CINP: variants seen among roughly 807,000 people sequenced by gnomAD.
The protein encoded by CINP is cyclin dependent kinase 2 interacting protein, also known as cyclin-dependent kinase 2-interacting protein.
CINP carries 11 observed loss-of-function variants against 20.5 expected under a neutral mutation model. The observed-to-expected ratio is 0.54, with a 90% CI of 0.34 to 0.89. The LOEUF (loss-of-function observed/expected upper bound fraction) is 0.89. Ranked by LOEUF, CINP falls within the 40% of genes least tolerant of loss-of-function variation. CINP has a pLI of 0.02. For missense variants in CINP, 213 were observed against 251.0 expected (o/e 0.85, Z 1.02); for synonymous variants, 108 against 102.1 (o/e 1.06, Z -0.35).
At chr14:102,354,211 G>C (rs1475364674) in intron 3 of CINP, among the ~76,000 whole-genome samples, 1 of 152,156 alleles carries the variant, frequency 6.6e-6, no homozygotes, top group African/African-American at 2.4e-5. Flanking sequence ...CTTCACATCT[G>C]GTGGCCAGTA....
chr14:102,354,031 G>C (rs1886936812), intron 3 of CINP, among the ~76,000 whole-genome samples: 1 of 152,224 alleles, frequency 6.6e-6, no homozygotes, highest in Non-Finnish European at 1.5e-5. Context: ...AAAGGCTGCA[G>C]TGAGCTGTGA....
In CINP at chr14:102,359,493, G is replaced by C. The variant is rs138637384; in HGVS notation, c.102C>G (p.Ile34Met). The C allele has an allele frequency of 8.0e-4, 1,296 of 1,613,012 alleles. 14 individuals are homozygous for C. In the African/African-American group the frequency reaches 0.016, roughly 20 times the overall value. ...CATCATTGAGGGTTTCCCACTTCAG[G>C]ATTAAATTGTGCCAATCAGCCGCAT... The part of the protein sequence containing the change: ...KDNAADWHNL[I>M]LKWETLNDAG... The change falls in exon 2 of 5, where the codon ATC becomes ATG. Residue 34 changes from isoleucine to methionine, a missense_variant. By Grantham distance (10) the Ile-to-Met change is conservative (BLOSUM62 1). Transcript: ENST00000216756.
intron 3 of CINP, among the ~76,000 whole-genome samples, chr14:102,354,928 A>G (rs918160468): frequency 4.0e-5 from 6 of 151,224 alleles, no homozygotes; most frequent in Non-Finnish European, 8.8e-5. Flanking sequence ...AAATTAGCTC[A>G]TGTGGTGGCA....
chr14:102,348,562 G>A lies in CINP; in HGVS notation c.634C>T (p.Leu212Phe), dbSNP rs1197962875. The A allele has an allele frequency of 1.2e-6, 2 of 1,609,566 alleles. No homozygotes were observed. The change falls in exon 5 of 5, where the codon CTC becomes TTC. Residue 212 changes from leucine (L) to phenylalanine (F), a missense_variant. Leu to Phe is a conservative substitution (Grantham distance 22). Transcript: ENST00000216756. ...TCCGCAGCCGTCTCAGGACGTCAGAGAGCTCGGTGGCCTGTCTCCAGCAGC... is the reference window on the plus strand; with the variant it reads ...TCCGCAGCCGTCTCAGGACGTCAGAAAGCTCGGTGGCCTGTCTCCAGCAGC... ...SMLLETGHRA[L>F]
chr14:102,361,491 A>T (rs890505333), intron 1 of CINP, among the ~76,000 whole-genome samples: 1 of 152,138 alleles, frequency 6.6e-6, no homozygotes, highest in African/African-American at 2.4e-5. Context: ...AATACAAAAA[A>T]TCAGCCGGGC....
At chr14:102,350,805 TC>T (rs1886850897) in intron 3 of CINP, among the ~76,000 whole-genome samples, 2 of 138,780 alleles carry the variant, frequency 1.4e-5, no homozygotes, top group Non-Finnish European at 3.2e-5. Flanking sequence ...TCTCTCTCTC[TC>T]TCTTTTTTTT....
chr14:102,348,680 G>A lies in CINP; in HGVS notation c.516C>T (p.His172=). ...LKRTVAKELA[H]TGDPDLTLSY... is the part of the protein sequence containing the mutation. ...TCAGGGTGAGGTCGGGATCCCCGGT[G>A]TGGGCAAGCTCCTTGGCCACCGTGC... Residue 172 remains histidine, a synonymous_variant, in exon 5 of 5, where the codon CAC becomes CAT. Transcript: ENST00000216756. 1 of 1,614,072 alleles carries A rather than the reference G, an allele frequency of 6.2e-7. No individual in the cohort carries two copies.
At chr14:102,357,360 C>T (rs560349089) in intron 2 of CINP, among the ~76,000 whole-genome samples, 39 of 120,692 alleles carry the variant, frequency 3.2e-4, no homozygotes, top group African/African-American at 9.9e-4. Flanking sequence ...CCAGCCTGAG[C>T]GACAGAGCGA....
chr14:102,357,341 C>T (rs1027032545), intron 2 of CINP, among the ~76,000 whole-genome samples: 10 of 125,234 alleles, frequency 8.0e-5, no homozygotes, highest in Admixed American at 7.5e-4. Flanking sequence ...AAGATTGCAC[C>T]ATTGCACTCC....
chr14:102,361,733 G>A (rs1887165999), intron 1 of CINP, among the ~76,000 whole-genome samples: 1 of 151,298 alleles, frequency 6.6e-6, no homozygotes, highest in Non-Finnish European at 1.5e-5. Context: ...AACAGATTTT[G>A]CCATTACTTT....
In CINP at chr14:102,361,485, C is replaced by T. The variant is rs565033386; in HGVS notation, c.7+1360G>A. On this transcript the variant is annotated intron_variant, in intron 1 of 4. Transcript: ENST00000216756. ...AAACCTCATCTCTACTAAAAAAATA[C>T]AAAAAATCAGCCGGGCGTGGTGGCG... 2.0e-5 allele frequency among the ~76,000 whole-genome samples: 3 copies of T among 152,006 alleles called. No individual in the cohort carries two copies. The East Asian group carries it at 5.8e-4, about 29-fold the overall frequency.
chr14:102,353,072 G>A (rs539442272), intron 3 of CINP, among the ~76,000 whole-genome samples: 103 of 151,738 alleles, frequency 6.8e-4, no homozygotes, highest in African/African-American at 2.4e-3. Context: ...AGGAGGCAGA[G>A]GTTGCAGTGG....
At chr14:102,350,886 C>T (rs1164354979) in intron 3 of CINP, among the ~76,000 whole-genome samples, 4 of 143,786 alleles carry the variant, frequency 2.8e-5, no homozygotes, top group South Asian at 2.2e-4. Flanking sequence ...AGTGCAGTGG[C>T]GAGATCTCGG....
intron 1 of CINP, 54 bp downstream of exon 1, chr14:102,362,791 A>C (rs1416822411): frequency 6.2e-7 from 1 of 1,610,846 alleles, no homozygotes; most frequent in Non-Finnish European, 8.5e-7. Context: ...CCTGCGGCCT[A>C]AGCAGTAACA....
rs113174781 is a variant in CINP at position 102,352,503 on chromosome 14, C to A, written c.307-2455G>T. On this transcript the variant is annotated intron_variant, in intron 3 of 4. Coordinates refer to ENST00000216756, the MANE Select transcript of CINP (RefSeq NM_032630.3). ...AGCTTAGGAAGAACGGTGCATGAAA[C>A]CCCCAGAAGGTCAAAGTTATGAAAG... is the stretch of plus-strand genomic sequence containing the variant. 6.8e-5 allele frequency: 31 copies of A among 455,964 alleles called. 1 individual carries two copies. Among genetic ancestry groups the A allele is most frequent in the East Asian group, 6.3e-4 (9 of 14,400 alleles). The allele number at this position is 455,964 out of a possible 1,614,324, so 28.2% of individuals were successfully genotyped here. A position where few individuals can be genotyped will look rare whatever the true frequency, so the allele number is the denominator to read the frequency against.
At position 102,348,420 on chromosome 14, in the gene CINP, G is replaced by A; in HGVS notation, c.*137C>T. On this transcript the variant is annotated 3_prime_UTR_variant, in exon 5 of 5. Transcript: ENST00000216756. ...TGAGCACGCCTGGAGAGGCCATGGG[G>A]CTGGTGACAAGCTCTGGCCAGAAGA... The A allele has an allele frequency of 2.6e-6, 2 of 764,760 alleles. No individual in the cohort carries two copies. The highest frequency in any genetic ancestry group is 2.9e-5 in the Admixed American group (1 of 35,040). The allele number at this position is 764,760 out of a possible 1,614,324, so 47.4% of individuals were successfully genotyped here.
At chr14:102,355,964 A>G in intron 2 of CINP, 67 bp from the exon 3 acceptor site, 1 of 1,540,098 alleles carries the variant, frequency 6.5e-7, no homozygotes, top group Non-Finnish European at 8.8e-7. Context: ...CCTTATAATA[A>G]ATTCTACAAA....
intron 3 of CINP, among the ~76,000 whole-genome samples, chr14:102,352,936 A>G (rs1315029350): frequency 2.6e-5 from 4 of 151,790 alleles, no homozygotes; most frequent in Non-Finnish European, 5.9e-5. Context: ...GGCATGAGCC[A>G]CTGCGCCTGG....
At chr14:102,362,489 G>C in intron 1 of CINP, 1 of 698,756 alleles carries the variant, frequency 1.4e-6, no homozygotes, top group Non-Finnish European at 2.6e-6. Flanking sequence ...GGGCAGTTCA[G>C]AGAGGAGTTT....
Sources: gnomAD v4.1 joint callset for allele counts (sites outside exome capture counted in the v4.1 genomes callset) on GRCh38, gnomAD v4.1.1 for gene constraint, MANE v1.5 for transcripts, NCBI Gene and HGNC (gene_info 2026-07-23, HGNC 2026-07-21) for gene names.